NFX1: variants seen among roughly 807,000 people sequenced by gnomAD.
The protein encoded by NFX1 is nuclear transcription factor, X-box binding 1, also known as transcriptional repressor NF-X1.
In NFX1, 69 loss-of-function variants were observed where a neutral mutation model predicts 137.2. The ratio of observed to expected loss-of-function variants is 0.50; its 90% CI spans 0.41 to 0.61. The LOEUF (loss-of-function observed/expected upper bound fraction) is 0.61. NFX1 is among the 20% of genes least tolerant of loss of function. The probability of loss-of-function intolerance (pLI) is 0.00; values close to 1 mark genes in which losing one functional copy is unlikely to be tolerated. For missense variants in NFX1, 1,167 were observed against 1,391.0 expected (o/e 0.84, Z 2.56); for synonymous variants, 495 against 474.1 (o/e 1.04, Z -0.57).
chr9:33,305,119 T>G (rs1821706731), intron 4 of NFX1, among the ~76,000 whole-genome samples: 1 of 152,212 alleles, frequency 6.6e-6, no homozygotes, highest in East Asian at 1.9e-4. Flanking sequence ...CAAGGCACTG[T>G]GAAGAAACAG....
chr9:33,301,364 C>G lies in NFX1; in HGVS notation c.1135C>G (p.His379Asp). The G allele has an allele frequency of 6.2e-7, 1 of 1,614,160 alleles. No individual in the cohort carries two copies. The highest frequency in any genetic ancestry group is 8.5e-7 in the Non-Finnish European group (1 of 1,180,030). ...AGTGTGGAGTTGTCAGAGCTGTTACCATGTGTTTCATTTGAACTGCATAAA... is the reference window on the plus strand; with the variant it reads ...AGTGTGGAGTTGTCAGAGCTGTTACGATGTGTTTCATTTGAACTGCATAAA... ...APVWSCQSCY[H>D]VFHLNCIKKW... The change falls in exon 3 of 24, where the codon CAT (histidine) becomes GAT (aspartate). Residue 379 changes from histidine (H) to aspartate (D), a missense_variant. His to Asp is a moderately conservative substitution (Grantham distance 81). This residue lies in a region of NFX1 where 488 missense variants were observed against 691.5 expected (regional missense o/e 0.71). Transcript: ENST00000379540.
chr9:33,293,208 ACT>A (rs1322201158), intron 1 of NFX1, among the ~76,000 whole-genome samples: 3 of 152,020 alleles, frequency 2.0e-5, no homozygotes, highest in African/African-American at 4.8e-5. Flanking sequence ...GCAAGTTCCT[ACT>A]CTCTGTGCTT....
chr9:33,358,422 C>G (rs1226184922), intron 19 of NFX1, among the ~76,000 whole-genome samples: 3 of 151,932 alleles, frequency 2.0e-5, no homozygotes, highest in Admixed American at 6.6e-5. Context: ...CTGCGCCTGG[C>G]CAACTTTTAA....
chr9:33,311,055 C>G, intron 5 of NFX1, 51 bp from the exon 6 acceptor site: 1 of 1,563,952 alleles, frequency 6.4e-7, no homozygotes, highest in African/African-American at 1.4e-5. Context: ...CAGCTTTGTT[C>G]GGGTTTGGAT....
intron 15 of NFX1, among the ~76,000 whole-genome samples, 158 bp downstream of exon 15, chr9:33,347,275 A>G (rs569035202): frequency 1.3e-4 from 20 of 152,332 alleles, no homozygotes; most frequent in African/African-American, 3.6e-4. Flanking sequence ...TTTGCATACA[A>G]CAGAATTTAC....
intron 16 of NFX1, chr9:33,352,413 T>G (rs1166211064): frequency 1.6e-6 from 1 of 631,500 alleles, no homozygotes; most frequent in South Asian, 1.5e-5. Context: ...TCAGCCAGGA[T>G]TAAGAACAGA....
At chr9:33,360,340 A>C (rs576767065) in intron 19 of NFX1, among the ~76,000 whole-genome samples, 47 of 152,338 alleles carry the variant, frequency 3.1e-4, no homozygotes, top group Non-Finnish European at 4.9e-4. Context: ...TCTAGAAATG[A>C]TGACAATAAC....
At chr9:33,320,431 GC>G (rs1485338102) in intron 9 of NFX1, among the ~76,000 whole-genome samples, 1 of 152,150 alleles carries the variant, frequency 6.6e-6, no homozygotes, top group Admixed American at 6.5e-5. Flanking sequence ...TCAGACTGAT[GC>G]CCCATACCAA....
chr9:33,304,577 T>G (rs951945628), intron 4 of NFX1, among the ~76,000 whole-genome samples: 4 of 152,212 alleles, frequency 2.6e-5, no homozygotes, highest in Non-Finnish European at 4.4e-5. Flanking sequence ...TTCCCCTTCT[T>G]TTCTTTCAAT....
chr9:33,319,484 A>AG (rs1267080358), intron 9 of NFX1, among the ~76,000 whole-genome samples: 1 of 152,190 alleles, frequency 6.6e-6, no homozygotes, highest in Non-Finnish European at 1.5e-5. Flanking sequence ...TTCACATAAT[A>AG]GGAACATGCT....
intron 10 of NFX1, 123 bp downstream of exon 10, chr9:33,328,801 G>A: frequency 1.4e-6 from 1 of 710,916 alleles, no homozygotes. Flanking sequence ...TGGCACTCAA[G>A]GTCCAGAGGC....
In NFX1 at chr9:33,347,149, C is replaced by G. The variant is rs767243668; in HGVS notation, c.2424+32C>G. ...TTTCTCTCTCAAGTGCTCATTGTTC[C>G]AGGCAGAGGTTCATGATTTTATTAC... On this transcript the variant is annotated intron_variant, in intron 15 of 23. Coordinates refer to ENST00000379540, the MANE Select transcript of NFX1 (RefSeq NM_002504.6). 6 of 1,488,576 alleles carry G rather than the reference C, an allele frequency of 4.0e-6. No homozygotes were observed. In the Admixed American group the frequency reaches 1.0e-4, roughly 25 times the overall value. The allele number at this position is 1,488,576 out of a possible 1,614,324, so 92.2% of individuals were successfully genotyped here.
intron 21 of NFX1, 193 bp downstream of exon 21, chr9:33,364,967 T>C: frequency 7.2e-7 from 1 of 1,393,796 alleles, no homozygotes. Context: ...TTCAGGACAG[T>C]TGACTGCAGA....
At chr9:33,310,734 C>T (rs1479923509) in intron 5 of NFX1, among the ~76,000 whole-genome samples, 1 of 152,178 alleles carries the variant, frequency 6.6e-6, no homozygotes, top group Non-Finnish European at 1.5e-5. Context: ...TGATCTTCTA[C>T]AGGACCCTAT....
chr9:33,292,460 A>C (rs1821197276), intron 1 of NFX1, among the ~76,000 whole-genome samples: 1 of 152,158 alleles, frequency 6.6e-6, no homozygotes. Context: ...CCTGTTGGAC[A>C]CCTACTGTGC....
chr9:33,348,842 A>G (rs1823530885), intron 15 of NFX1: 11 of 920,600 alleles, frequency 1.2e-5, no homozygotes, highest in African/African-American at 1.8e-5. Context: ...GCTGTGGTTA[A>G]GATGATACTG....
At chr9:33,330,315 G>A (rs373882246) in intron 10 of NFX1, among the ~76,000 whole-genome samples, 177 of 152,202 alleles carry the variant, frequency 1.2e-3, no homozygotes, top group African/African-American at 4.1e-3. Flanking sequence ...TCTGACTTGC[G>A]AATAATTCTG....
At chr9:33,327,522 G>A (rs1268003741) in intron 9 of NFX1, among the ~76,000 whole-genome samples, 1 of 151,974 alleles carries the variant, frequency 6.6e-6, no homozygotes. Flanking sequence ...GCGCCACCAC[G>A]CCTGGCTAAT....
At chr9:33,330,283 C>G (rs1211433620) in intron 10 of NFX1, among the ~76,000 whole-genome samples, 1 of 152,146 alleles carries the variant, frequency 6.6e-6, no homozygotes, top group East Asian at 1.9e-4. Context: ...TTCTGTTAAA[C>G]ACAATGCAGG....
Sources: allele counts gnomAD v4.1 joint callset (sites outside exome capture counted in the v4.1 genomes callset), GRCh38; gene constraint gnomAD v4.1.1; regional missense constraint gnomAD v4.1.1; transcripts MANE v1.5; gene names NCBI Gene and HGNC (gene_info 2026-07-23, HGNC 2026-07-21).